Variants in DDAH1 observed in about 807,000 individuals in gnomAD.
DDAH1 encodes dimethylarginine dimethylaminohydrolase 1.
Under a neutral mutation model 28.8 loss-of-function variants are expected in DDAH1, and 19 were observed. That is an observed-to-expected ratio of 0.66 (90% CI 0.46 to 0.97). The LOEUF (loss-of-function observed/expected upper bound fraction) is 0.97, where lower values mean the gene tolerates loss of function less well. DDAH1 is among the 50% of genes least tolerant of loss of function. The probability of loss-of-function intolerance (pLI) is 0.00; values close to 1 mark genes in which losing one functional copy is unlikely to be tolerated. For missense variants in DDAH1, 326 were observed against 375.9 expected, an observed-to-expected ratio of 0.87 and a Z score of 1.10; for synonymous variants, 153 against 154.4, an observed-to-expected ratio of 0.99 and a Z score of 0.07.
At position 85,377,926 on chromosome 1, in the gene DDAH1, A is replaced by C. The variant is rs77284038; in HGVS notation, c.304-19079T>G. Among the ~76,000 whole-genome samples the C allele has an allele frequency of 8.6e-3, 1,317 of 152,334 alleles. 21 individuals carry two copies. Among genetic ancestry groups the C allele is most frequent in the African/African-American group, 0.03 (1,264 of 41,568 alleles). On this transcript the variant is annotated intron_variant, in intron 1 of 5. Coordinates refer to ENST00000284031, the MANE Select transcript of DDAH1 (RefSeq NM_012137.4). ...GATCTCTAATTTCTGACAGCTGAACACTTGGCAAATGTATATATAACGTGA... is the reference window on the plus strand; with the variant it reads ...GATCTCTAATTTCTGACAGCTGAACCCTTGGCAAATGTATATATAACGTGA...
chr1:85,324,521 G>A (rs143322092), intron 5 of DDAH1, among the ~76,000 whole-genome samples: 2 of 152,088 alleles, frequency 1.3e-5, no homozygotes, highest in African/African-American at 4.8e-5. Context: ...TTGAATACCC[G>A]GCATGATCAT....
intron 1 of DDAH1, among the ~76,000 whole-genome samples, chr1:85,536,587 G>C (rs1658285985): frequency 6.6e-6 from 1 of 151,320 alleles, no homozygotes; most frequent in South Asian, 2.1e-4. Flanking sequence ...ACAAACAAAT[G>C]AACAAAAAAA....
chr1:85,566,118 CAAAGAGTTATAG>C (rs1659292327), intron 1 of DDAH1, among the ~76,000 whole-genome samples: 1 of 149,144 alleles, frequency 6.7e-6, no homozygotes, highest in Admixed American at 6.7e-5. Context: ...AAACCAACAA[CAAAGAGTTATAG>C]TTCATCAGCC....
intron 1 of DDAH1, among the ~76,000 whole-genome samples, chr1:85,553,561 A>G (rs755866597): frequency 6.6e-6 from 1 of 152,236 alleles, no homozygotes; most frequent in Non-Finnish European, 1.5e-5. Flanking sequence ...AAAGGGCACT[A>G]TTGCTGACCT....
At chr1:85,485,066 A>C (rs1242913093) in intron 2 of DDAH1, among the ~76,000 whole-genome samples, 1 of 152,184 alleles carries the variant, frequency 6.6e-6, no homozygotes, top group African/African-American at 2.4e-5. Context: ...CTCACATTAC[A>C]TCAGCATGCT....
At chr1:85,557,671 C>A (rs1274045752) in intron 1 of DDAH1, among the ~76,000 whole-genome samples, 1 of 152,084 alleles carries the variant, frequency 6.6e-6, no homozygotes. Context: ...GAGTCCTAAC[C>A]CCCAGTATCT....
intron 1 of DDAH1, among the ~76,000 whole-genome samples, chr1:85,402,833 C>T (rs1036985762): frequency 2.0e-5 from 3 of 150,556 alleles, no homozygotes; most frequent in Admixed American, 6.6e-5. Context: ...GGCGTGAACC[C>T]GGGAGGCAGA....
chr1:85,364,663 G>A (rs1016624321), intron 1 of DDAH1, among the ~76,000 whole-genome samples: 1 of 151,980 alleles, frequency 6.6e-6, no homozygotes, highest in Admixed American at 6.6e-5. Context: ...TTCTGCCTCA[G>A]CCTCCCGAAT....
intron 2 of DDAH1, among the ~76,000 whole-genome samples, chr1:85,476,208 T>C (rs945846236): frequency 7.2e-5 from 11 of 152,168 alleles, no homozygotes; most frequent in Admixed American, 6.5e-4. Flanking sequence ...TCACCTACTT[T>C]CTCCTCTGAA....
Position 85,552,785 on chromosome 1 carries a change from G to T in DDAH1, c.-123+25199C>A, listed in dbSNP as rs192719953. Among the ~76,000 whole-genome samples the T allele has an allele frequency of 2.2e-3, 342 of 152,264 alleles. 1 individual carries two copies. Among genetic ancestry groups the T allele is most frequent in the Non-Finnish European group, 3.4e-3 (234 of 68,020 alleles). On this transcript the variant is annotated intron_variant, in intron 1 of 6. Transcript: ENST00000426972. Reference sequence around the variant, plus strand: ...GTATTCAGAGTCAGTTGAACAGTAAGTAAGTAAAACAAGGTTGAAGGCCAA... The same window carrying T: ...GTATTCAGAGTCAGTTGAACAGTAATTAAGTAAAACAAGGTTGAAGGCCAA...
intron 1 of DDAH1, among the ~76,000 whole-genome samples, chr1:85,438,485 TG>T (rs898694863): frequency 1.3e-5 from 2 of 152,242 alleles, no homozygotes; most frequent in African/African-American, 4.8e-5. Context: ...TTCCACTTTT[TG>T]GAAGATGAGC....
intron 2 of DDAH1, among the ~76,000 whole-genome samples, chr1:85,354,997 A>C (rs1649418105): frequency 6.6e-6 from 1 of 152,110 alleles, no homozygotes; most frequent in Non-Finnish European, 1.5e-5. Context: ...GTCCTTAGGA[A>C]AGATTAATAA....
chr1:85,453,516 G>A (rs1654756698), intron 1 of DDAH1, among the ~76,000 whole-genome samples: 1 of 152,158 alleles, frequency 6.6e-6, no homozygotes, highest in African/African-American at 2.4e-5. Context: ...GCATAGAAGA[G>A]CATATATAAG....
intron 1 of DDAH1, among the ~76,000 whole-genome samples, chr1:85,499,388 C>A (rs539836883): frequency 1.3e-5 from 2 of 152,016 alleles, no homozygotes; most frequent in African/African-American, 4.8e-5. Flanking sequence ...AAAGAAACTT[C>A]TTGAGGCCGG....
At chr1:85,564,171 A>AAAAAC (rs141857011) in intron 1 of DDAH1, among the ~76,000 whole-genome samples, 39,825 of 150,868 alleles carry the variant, frequency 0.26, 5,377 homozygotes, top group Middle Eastern at 0.35. Flanking sequence ...ACTCCATCTC[A>AAAAAC]AAAACAAAAC....
chr1:85,400,455 G>A (rs1652039728), intron 1 of DDAH1, among the ~76,000 whole-genome samples: 1 of 151,758 alleles, frequency 6.6e-6, no homozygotes, highest in African/African-American at 2.4e-5. Context: ...CTGCCTACCT[G>A]GGCTTCCCAA....
intron 2 of DDAH1, among the ~76,000 whole-genome samples, chr1:85,358,001 A>G (rs1310902096): frequency 6.6e-6 from 1 of 152,244 alleles, no homozygotes; most frequent in Non-Finnish European, 1.5e-5. Context: ...ATTTGCATAG[A>G]AATTATTTAA....
Position 85,443,331 on chromosome 1 carries a change from G to A in DDAH1, c.303+21412C>T, listed in dbSNP as rs978572519. Among the ~76,000 whole-genome samples, 18 of 152,236 alleles carry A rather than the reference G, an allele frequency of 1.2e-4. No individual in the cohort carries two copies. In the South Asian group the frequency reaches 2.3e-3, roughly 19 times the overall value. ...TTGTTAGGTTTGTCAAAGATCAGAT[G>A]GTTGTAGATGTGTGGTATTATTTCT... On this transcript the variant is annotated intron_variant, in intron 1 of 5. Transcript: ENST00000284031.
intron 1 of DDAH1, among the ~76,000 whole-genome samples, chr1:85,525,566 T>C (rs1251497415): frequency 4.5e-5 from 1 of 22,250 alleles, no homozygotes. Context: ...AAGAATGATA[T>C]TCACACACAC....
Sources: gnomAD v4.1 joint callset for allele counts (sites outside exome capture counted in the v4.1 genomes callset) on GRCh38, gnomAD v4.1.1 for gene constraint, MANE v1.5 for transcripts, NCBI Gene and HGNC (gene_info 2026-07-23, HGNC 2026-07-21) for gene names.